Variants in GABRA3 observed in about 807,000 individuals in gnomAD.
GABRA3 encodes the protein gamma-aminobutyric acid receptor subunit alpha-3.
In GABRA3, 10 loss-of-function variants were observed where a neutral mutation model predicts 30.1. That is an observed-to-expected ratio of 0.33 (90% confidence interval 0.20 to 0.56). The LOEUF (loss-of-function observed/expected upper bound fraction) is 0.56, where lower values mean the gene tolerates loss of function less well. Ranked by LOEUF, GABRA3 falls within the 20% of genes least tolerant of loss-of-function variation. The probability of loss-of-function intolerance (pLI) is 0.89; values close to 1 mark genes in which losing one functional copy is unlikely to be tolerated. For synonymous variants in GABRA3, 151 were observed against 146.8 expected (o/e 1.03, Z -0.21); for missense variants, 233 against 392.0 (o/e 0.59, Z 3.42).
intron 9 of GABRA3, among the ~76,000 whole-genome samples, chrX:152,180,360 C>A (rs987614094): frequency 1.8e-5 from 2 of 111,825 alleles, no homozygotes; most frequent in Admixed American, 9.5e-5. Context: ...TTGAGAAATG[C>A]CTATTCAAGT....
chrX:152,315,981 C>CG (rs1556780374), intron 3 of GABRA3, among the ~76,000 whole-genome samples: 9 of 87,362 alleles, frequency 1.0e-4, no homozygotes, highest in Non-Finnish European at 2.1e-4. Flanking sequence ...ACCCCCCCCC[C>CG]CCCCACCACA....
intron 3 of GABRA3, among the ~76,000 whole-genome samples, chrX:152,343,230 C>G (rs2124480588): frequency 9.0e-6 from 1 of 111,294 alleles, no homozygotes; most frequent in African/African-American, 3.3e-5. Context: ...GCACTGTAGC[C>G]TAAAAATTTG....
intron 5 of GABRA3, among the ~76,000 whole-genome samples, chrX:152,243,713 C>T (rs1169141385): frequency 9.0e-6 from 1 of 111,716 alleles, no homozygotes; most frequent in African/African-American, 3.3e-5. Flanking sequence ...TCATGTCTTT[C>T]CACTGACTCT....
chrX:152,223,993 C>G (rs189518607), intron 6 of GABRA3, among the ~76,000 whole-genome samples: 9 of 111,679 alleles, frequency 8.1e-5, no homozygotes, highest in African/African-American at 1.9e-4. Flanking sequence ...ACACAGAATA[C>G]AATCTGTAAA....
intron 5 of GABRA3, among the ~76,000 whole-genome samples, chrX:152,244,977 C>T (rs1390355062): frequency 9.0e-6 from 1 of 110,927 alleles, no homozygotes; most frequent in African/African-American, 3.3e-5. Flanking sequence ...AGGAGAAAAC[C>T]ATAAATAAGG....
chrX:152,184,723 T>C (rs1402648269), intron 9 of GABRA3, among the ~76,000 whole-genome samples: 1 of 111,627 alleles, frequency 9.0e-6, no homozygotes, highest in African/African-American at 3.2e-5. Context: ...GCTATGTTAA[T>C]ATCTCTTGTC....
intron 1 of GABRA3, among the ~76,000 whole-genome samples, chrX:152,409,286 T>C (rs771785701): frequency 3.4e-4 from 38 of 111,623 alleles, no homozygotes; most frequent in Non-Finnish European, 5.5e-4. Flanking sequence ...TTTGAGGTTA[T>C]AGTGAGCTAT....
chrX:152,321,036 T>C (rs1411298072), intron 3 of GABRA3, among the ~76,000 whole-genome samples: 1 of 112,505 alleles, frequency 8.9e-6, no homozygotes, highest in African/African-American at 3.2e-5. Flanking sequence ...GGTAATCTAT[T>C]TGATCACAAA....
intron 1 of GABRA3, among the ~76,000 whole-genome samples, chrX:152,387,506 G>T (rs939145882): frequency 2.7e-5 from 3 of 111,476 alleles, no homozygotes; most frequent in Admixed American, 9.6e-5. Flanking sequence ...TATAGCTGTT[G>T]ACTTAGTGGT....
At chrX:152,356,786 C>G (rs371198563) in intron 2 of GABRA3, among the ~76,000 whole-genome samples, 2 of 111,621 alleles carry the variant, frequency 1.8e-5, no homozygotes, top group African/African-American at 6.5e-5. Flanking sequence ...TTGTTCCCTT[C>G]TTTGTGTCCA....
intron 1 of GABRA3, among the ~76,000 whole-genome samples, chrX:152,400,514 T>TAAATA (rs1315466858): frequency 8.2e-5 from 9 of 110,101 alleles, no homozygotes; most frequent in Admixed American, 1.9e-4. Context: ...GTCTCAAAAA[T>TAAATA]AAATAAAATA....
intron 3 of GABRA3, among the ~76,000 whole-genome samples, chrX:152,327,770 C>A (rs1403635356): frequency 2.7e-5 from 3 of 111,114 alleles, no homozygotes; most frequent in Non-Finnish European, 5.7e-5. Flanking sequence ...AAATTGACAC[C>A]CTAACATCAC....
chrX:152,440,021 AG>A (rs1431457400), intron 1 of GABRA3, among the ~76,000 whole-genome samples: 1 of 112,286 alleles, frequency 8.9e-6, no homozygotes, highest in Non-Finnish European at 1.9e-5. Flanking sequence ...AAATTGACAA[AG>A]GGGATCTAAT....
At chrX:152,410,091 T>C (rs1185473898) in intron 1 of GABRA3, among the ~76,000 whole-genome samples, 1 of 112,240 alleles carries the variant, frequency 8.9e-6, no homozygotes, top group East Asian at 2.8e-4. Flanking sequence ...CATTATTCAT[T>C]ATGTTAAGTG....
At chrX:152,440,824 G>C (rs1216716708) in intron 1 of GABRA3, among the ~76,000 whole-genome samples, 1 of 110,762 alleles carries the variant, frequency 9.0e-6, no homozygotes, top group South Asian at 3.9e-4. Context: ...GAGAACACAT[G>C]GACACAGGGA....
In GABRA3 at chrX:152,175,846, T is replaced by C. The variant is rs904527941; in HGVS notation, c.1144-7283A>G. Among the ~76,000 whole-genome samples the C allele has an allele frequency of 6.3e-5, 7 of 110,299 alleles. No individual in the cohort carries two copies. The East Asian group carries it at 1.4e-3, about 23-fold the overall frequency. ...TTGGGAGGCCAAGGCGGGCAGATCATGAGGTCAGGAGATCGAGATCATCCT... is the reference window on the plus strand; with the variant it reads ...TTGGGAGGCCAAGGCGGGCAGATCACGAGGTCAGGAGATCGAGATCATCCT... On this transcript the variant is annotated intron_variant, in intron 9 of 9. Transcript: ENST00000370314.
chrX:152,180,254 G>A (rs753237916), intron 9 of GABRA3, among the ~76,000 whole-genome samples: 30 of 112,149 alleles, frequency 2.7e-4, no homozygotes, highest in African/African-American at 8.1e-4. Context: ...AAAGTGTGAG[G>A]TGATATCTCA....
intron 3 of GABRA3, among the ~76,000 whole-genome samples, chrX:152,293,483 C>T (rs1322715498): frequency 9.0e-6 from 1 of 111,243 alleles, no homozygotes; most frequent in Non-Finnish European, 1.9e-5. Flanking sequence ...CTGAATACAG[C>T]ACAGTGATGG....
intron 1 of GABRA3, among the ~76,000 whole-genome samples, chrX:152,432,216 C>T (rs1037331005): frequency 2.7e-5 from 3 of 111,376 alleles, no homozygotes; most frequent in Non-Finnish European, 5.7e-5. Flanking sequence ...AATAAATTTG[C>T]ATAAACATTT....
Sources: gnomAD v4.1 joint callset for allele counts (sites outside exome capture counted in the v4.1 genomes callset) on GRCh38, gnomAD v4.1.1 for gene constraint, MANE v1.5 for transcripts, NCBI Gene and HGNC (gene_info 2026-07-23, HGNC 2026-07-21) for gene names.